The following ETV5 variants were observed in gnomAD, a reference collection of about 807,000 sequenced individuals.
ETV5 encodes the protein ETS variant transcription factor 5.
In ETV5, 10 loss-of-function variants were observed where a neutral mutation model predicts 70.0. That is an observed-to-expected ratio of 0.14 (90% CI 0.09 to 0.24). ETV5 has a LOEUF of 0.24. ETV5 is among the 10% of genes least tolerant of loss of function. ETV5 has a pLI of 1.00. For missense variants in ETV5, 453 were observed against 651.2 expected, an observed-to-expected ratio of 0.70 and a Z score of 3.31; for synonymous variants, 216 against 242.2, an observed-to-expected ratio of 0.89 and a Z score of 1.01.
intron 9 of ETV5, among the ~76,000 whole-genome samples, chr3:186,062,978 G>C (rs1340898136): frequency 6.6e-6 from 1 of 152,008 alleles, no homozygotes; most frequent in Non-Finnish European, 1.5e-5. Context: ...GTTTATATTT[G>C]AAAGAAAACT....
At chr3:186,107,248 C>T (rs1253409363) in intron 1 of ETV5, among the ~76,000 whole-genome samples, 1 of 152,200 alleles carries the variant, frequency 6.6e-6, no homozygotes, top group African/African-American at 2.4e-5. Context: ...TGCCTGCGTG[C>T]CCCGTCCAAA....
intron 5 of ETV5, among the ~76,000 whole-genome samples, chr3:186,099,088 T>C (rs542713949): frequency 5.2e-4 from 79 of 152,366 alleles, no homozygotes; most frequent in Non-Finnish European, 7.6e-4. Flanking sequence ...TTATTTTCTA[T>C]GCAGAGTCCT....
At chr3:186,071,958 T>C (rs1713650564) in intron 7 of ETV5, among the ~76,000 whole-genome samples, 1 of 151,470 alleles carries the variant, frequency 6.6e-6, no homozygotes, top group Non-Finnish European at 1.5e-5. Context: ...CCACCACACA[T>C]GGCTAATTTT....
rs575383478 is a variant in ETV5 at position 186,104,145 on chromosome 3, A to G, written c.232+1160T>C. Among the ~76,000 whole-genome samples the G allele has an allele frequency of 2.6e-4, 40 of 152,296 alleles. No homozygotes were observed. In the South Asian group the frequency reaches 6.4e-3, roughly 24 times the overall value. ...TGATGCAACTCTCAAGAGAGGCAGC[A>G]TTTTCTCCAGGCCTCTCTTAAACCT... is the stretch of plus-strand genomic sequence containing the variant. On this transcript the variant is annotated intron_variant, in intron 5 of 12. Transcript: ENST00000306376.
chr3:186,097,974 G>A (rs1714346123), intron 5 of ETV5, among the ~76,000 whole-genome samples: 1 of 152,248 alleles, frequency 6.6e-6, no homozygotes. Context: ...GGGGGAATCT[G>A]CAGCTCTGCT....
At chr3:186,083,364 A>C (rs949282791) in intron 5 of ETV5, among the ~76,000 whole-genome samples, 1 of 152,232 alleles carries the variant, frequency 6.6e-6, no homozygotes, top group Non-Finnish European at 1.5e-5. Flanking sequence ...CTAAGTTTGG[A>C]AAGAAAACAA....
chr3:186,046,910 T>C lies in ETV5; in HGVS notation c.*1729A>G, dbSNP rs1275904440. On this transcript the variant is annotated 3_prime_UTR_variant, in exon 13 of 13. Coordinates refer to ENST00000306376, the MANE Select transcript of ETV5 (RefSeq NM_004454.3). ...CCTTTGTGGGCTAATTAGCTTCCAA[T>C]AGAGGAGAATCTCATGTTTCCATAG... The C allele has an allele frequency of 2.6e-5, 6 of 230,714 alleles. No individual in the cohort carries two copies. The highest frequency in any genetic ancestry group is 1.2e-4 in the East Asian group (2 of 16,230). The allele number at this position is 230,714 out of a possible 1,614,324, so 14.3% of individuals were successfully genotyped here. A position where few individuals can be genotyped will look rare whatever the true frequency, so the allele number is the denominator to read the frequency against.
intron 8 of ETV5, 87 bp downstream of exon 8, chr3:186,065,726 C>A: frequency 6.6e-7 from 1 of 1,506,060 alleles, no homozygotes; most frequent in Non-Finnish European, 9.0e-7. Context: ...AAATTCCTGT[C>A]CCCAAGGCCC....
chr3:186,059,026 T>TA (rs1314165276), intron 9 of ETV5, among the ~76,000 whole-genome samples: 60 of 135,814 alleles, frequency 4.4e-4, no homozygotes, highest in Middle Eastern at 7.1e-3. Context: ...AAAAAAAAAA[T>TA]AAAATAAAAA....
At chr3:186,092,088 T>TA (rs1195802850) in intron 5 of ETV5, among the ~76,000 whole-genome samples, 3 of 152,342 alleles carry the variant, frequency 2.0e-5, no homozygotes, top group Admixed American at 1.3e-4. Context: ...TAAAAAATGC[T>TA]AGGCACCTTG....
At chr3:186,051,132 C>T (rs980040982) in intron 12 of ETV5, among the ~76,000 whole-genome samples, 10 of 152,140 alleles carry the variant, frequency 6.6e-5, no homozygotes, top group African/African-American at 1.7e-4. Context: ...AGAGTTTATC[C>T]AGAAAATCAC....
At chr3:186,060,765 A>C (rs1713284580) in intron 9 of ETV5, among the ~76,000 whole-genome samples, 1 of 152,216 alleles carries the variant, frequency 6.6e-6, no homozygotes, top group South Asian at 2.1e-4. Context: ...AAACACACAC[A>C]AATGCACCAG....
intron 5 of ETV5, among the ~76,000 whole-genome samples, chr3:186,093,280 G>A (rs1438753444): frequency 6.6e-6 from 1 of 152,066 alleles, no homozygotes. Context: ...AGACAAGGAG[G>A]TTACACTTTA....
At chr3:186,069,330 C>A (rs1343488208) in intron 7 of ETV5, among the ~76,000 whole-genome samples, 1 of 152,156 alleles carries the variant, frequency 6.6e-6, no homozygotes, top group Non-Finnish European at 1.5e-5. Flanking sequence ...GGCTGATAGC[C>A]TTTCATGGGG....
In ETV5 at chr3:186,094,618, G is replaced by C. The variant is rs962849143; in HGVS notation, c.232+10687C>G. 5.9e-5 allele frequency among the ~76,000 whole-genome samples: 9 copies of C among 152,184 alleles called. 1 individual carries two copies. The highest frequency in any genetic ancestry group is 3.9e-4 in the Admixed American group (6 of 15,278). On this transcript the variant is annotated intron_variant, in intron 5 of 12. Coordinates refer to ENST00000306376, the MANE Select transcript of ETV5 (RefSeq NM_004454.3). ...TTAGAACGCCAAAAATGGAAACCTA[G>C]ATGCCTTGAATTTCAGCGTTAGAAA...
chr3:186,055,109 C>T (rs1388892032), intron 11 of ETV5, among the ~76,000 whole-genome samples: 3 of 152,228 alleles, frequency 2.0e-5, no homozygotes, highest in Admixed American at 6.5e-5. Context: ...GTTCATCATT[C>T]TCTATGCCAC....
At chr3:186,103,611 C>T (rs1714516070) in intron 5 of ETV5, among the ~76,000 whole-genome samples, 1 of 138,102 alleles carries the variant, frequency 7.2e-6, no homozygotes, top group Admixed American at 7.2e-5. Context: ...CCCTGTCTTT[C>T]ATCTTGCAAA....
At chr3:186,100,241 C>T (rs1320181855) in intron 5 of ETV5, among the ~76,000 whole-genome samples, 1 of 152,224 alleles carries the variant, frequency 6.6e-6, no homozygotes, top group African/African-American at 2.4e-5. Context: ...TTTCTACCTT[C>T]AGAACTACTG....
intron 5 of ETV5, among the ~76,000 whole-genome samples, chr3:186,082,972 T>C (rs1001898842): frequency 3.3e-5 from 5 of 152,230 alleles, no homozygotes; most frequent in African/African-American, 1.2e-4. Flanking sequence ...ATAAAATAAG[T>C]TGAGAACTAG....
Sources: gnomAD v4.1 joint callset for allele counts (sites outside exome capture counted in the v4.1 genomes callset) on GRCh38, gnomAD v4.1.1 for gene constraint, MANE v1.5 for transcripts, NCBI Gene and HGNC (gene_info 2026-07-23, HGNC 2026-07-21) for gene names.